BPHL: variants seen among roughly 807,000 people sequenced by gnomAD.
The protein encoded by BPHL is serine hydrolase BPHL.
Under a neutral mutation model 31.2 loss-of-function variants are expected in BPHL, and 27 were observed. That is an observed-to-expected ratio of 0.87 (90% confidence interval 0.64 to 1.19). BPHL has a LOEUF of 1.19. Among genes scored for constraint, BPHL ranks in the 50% most tolerant of loss-of-function variants. BPHL has a pLI of 0.00. For synonymous variants in BPHL, 150 were observed against 146.8 expected (o/e 1.02, Z -0.16); for missense variants, 356 against 375.7 (o/e 0.95, Z 0.43).
intron 1 of BPHL, among the ~76,000 whole-genome samples, chr6:3,122,253 C>T (rs1761597345): frequency 6.6e-6 from 1 of 152,092 alleles, no homozygotes; most frequent in African/African-American, 2.4e-5. Context: ...GCACTCCAGC[C>T]TGGGCGACAG....
At chr6:3,138,844 G>C (rs1240585315) in intron 5 of BPHL, 1 of 152,214 alleles carries the variant, frequency 6.6e-6, no homozygotes, top group African/African-American at 2.4e-5. Context: ...TGGAAATAGG[G>C]TTAAATCAGC....
In BPHL at chr6:3,123,707, A is replaced by C. The variant is rs1761636559; in HGVS notation, c.158A>C (p.Tyr53Ser). 6.2e-7 allele frequency: 1 copy of C among 1,613,716 alleles called. No homozygotes were observed. The highest frequency in any genetic ancestry group is 1.3e-5 in the African/African-American group (1 of 74,914). The change falls in exon 2 of 7, where the codon TAC becomes TCC. Residue 53 changes from tyrosine to serine, a missense_variant. Coordinates refer to ENST00000380379, the MANE Select transcript of BPHL (RefSeq NM_004332.4). ...GCTGTGAATGGCGTTCAGCTGCATT[A>C]CCAGCAGACTGGAGAGGGAGATCAC... Reference protein sequence around the residue: ...KVAVNGVQLHYQQTGEGDHAV... With the variant: ...KVAVNGVQLHSQQTGEGDHAV...
At chr6:3,132,556 T>C (rs58373535) in intron 4 of BPHL, among the ~76,000 whole-genome samples, 14,516 of 151,966 alleles carry the variant, frequency 0.096, 2,083 homozygotes, top group African/African-American at 0.31. Flanking sequence ...TCTCACTGGG[T>C]GTGGTGGCTC....
rs534569401 is a variant in BPHL, at chr6:3,127,166, T to A, written c.212-76T>A. The A allele has an allele frequency of 5.8e-6, 6 of 1,038,916 alleles. No individual in the cohort carries two copies. The African/African-American group carries it at 8.1e-5, about 14-fold the overall frequency. The allele number at this position is 1,038,916 out of a possible 1,614,324, so 64.4% of individuals were successfully genotyped here. A position where few individuals can be genotyped will look rare whatever the true frequency, so the allele number is the denominator to read the frequency against. ...GAAACTACTTTGCTTTTAAGATTGT[T>A]ATTGCTTCTGTTTTCACTGTAATGT... On this transcript the variant is annotated intron_variant, in intron 2 of 6. Transcript: ENST00000380379.
At chr6:3,138,144 A>G (rs926370850) in intron 5 of BPHL, 6 of 526,698 alleles carry the variant, frequency 1.1e-5, no homozygotes, top group African/African-American at 1.0e-4. Flanking sequence ...TCAGCCTCCC[A>G]AGTAGCTGGG....
intron 2 of BPHL, among the ~76,000 whole-genome samples, chr6:3,126,544 C>T (rs1292247236): frequency 5.3e-5 from 8 of 150,474 alleles, no homozygotes; most frequent in African/African-American, 1.9e-4. Context: ...AGGGGGAGGT[C>T]GGAGGCAGGC....
At chr6:3,151,969 A>C (rs1218085019) in intron 6 of BPHL, among the ~76,000 whole-genome samples, 1 of 152,164 alleles carries the variant, frequency 6.6e-6, no homozygotes, top group Non-Finnish European at 1.5e-5. Context: ...TAATCCAAAA[A>C]TGGAAGGGTG....
At chr6:3,137,033 C>T (rs1762031291) in intron 4 of BPHL, among the ~76,000 whole-genome samples, 3 of 152,136 alleles carry the variant, frequency 2.0e-5, no homozygotes, top group Admixed American at 2.0e-4. Context: ...GCGGTAAGTG[C>T]AGCTCTAATT....
At chr6:3,142,207 C>T (rs1177981885) in intron 6 of BPHL, among the ~76,000 whole-genome samples, 5 of 151,876 alleles carry the variant, frequency 3.3e-5, no homozygotes, top group Admixed American at 2.6e-4. Flanking sequence ...CAACCTCTGC[C>T]TCCTGGGTTC....
At chr6:3,141,257 A>G (rs1442143900) in intron 6 of BPHL, among the ~76,000 whole-genome samples, 1 of 152,264 alleles carries the variant, frequency 6.6e-6, no homozygotes, top group Non-Finnish European at 1.5e-5. Context: ...TCAAAAATAC[A>G]CATGAGCCTG....
chr6:3,144,890 C>G (rs1051903831), intron 6 of BPHL, among the ~76,000 whole-genome samples: 1 of 152,206 alleles, frequency 6.6e-6, no homozygotes, highest in African/African-American at 2.4e-5. Flanking sequence ...GGACCAGCCG[C>G]GTATTCTGAG....
rs1418792659 is a variant in BPHL, at chr6:3,149,185, T to C, written c.789-3303T>C. ...TAGCCTGTCAGTATGGACTCTGTGCTGGTTAGACAAAACTGTCCTGGCCCC... is the reference window on the plus strand; with the variant it reads ...TAGCCTGTCAGTATGGACTCTGTGCCGGTTAGACAAAACTGTCCTGGCCCC... On this transcript the variant is annotated intron_variant, in intron 6 of 6. Coordinates refer to ENST00000380379, the MANE Select transcript of BPHL (RefSeq NM_004332.4). This position sits in a 1 kb window ranked among gnomAD's most constrained non-coding sequence, Gnocchi z 4.6. Among the ~76,000 whole-genome samples the C allele has an allele frequency of 6.6e-6, 1 of 152,206 alleles. No individual in the cohort carries two copies. Among genetic ancestry groups the C allele is most frequent in the Admixed American group, 6.5e-5 (1 of 15,278 alleles).
At chr6:3,145,611 T>TG (rs1484745813) in intron 6 of BPHL, among the ~76,000 whole-genome samples, 1 of 31,232 alleles carries the variant, frequency 3.2e-5, no homozygotes, top group Non-Finnish European at 7.0e-5. Flanking sequence ...AGTGCTGGTT[T>TG]GGGTCGAGTG....
chr6:3,127,115 T>G (rs1019811110), intron 2 of BPHL, 127 bp from the exon 3 acceptor site: 7 of 608,102 alleles, frequency 1.2e-5, no homozygotes, highest in African/African-American at 1.9e-5. Context: ...GCTGCTTTCC[T>G]GATTACATTC....
chr6:3,134,100 T>G (rs1307108361), intron 4 of BPHL, among the ~76,000 whole-genome samples: 1 of 152,208 alleles, frequency 6.6e-6, no homozygotes, highest in East Asian at 1.9e-4. Flanking sequence ...TATCCACCAT[T>G]TGAGTTTCTT....
At chr6:3,132,618 C>T (rs1761904062) in intron 4 of BPHL, among the ~76,000 whole-genome samples, 1 of 152,072 alleles carries the variant, frequency 6.6e-6, no homozygotes, top group African/African-American at 2.4e-5. Context: ...ATCACTTGAG[C>T]CCAGGAGTTC....
At chr6:3,135,600 T>C (rs6917080) in intron 4 of BPHL, among the ~76,000 whole-genome samples, 15,283 of 152,254 alleles carry the variant, frequency 0.1, 2,001 homozygotes, top group African/African-American at 0.3. Context: ...CGTTCATTCT[T>C]ATTCTCTTCT....
At chr6:3,119,311 A>T in intron 1 of BPHL, 1 of 1,548,406 alleles carries the variant, frequency 6.5e-7, no homozygotes, top group South Asian at 1.2e-5. Flanking sequence ...GAGTACCGCT[A>T]AGGCTTTAAT....
In BPHL at chr6:3,137,333, C is replaced by A. The variant is rs766933234; in HGVS notation, c.533-29C>A. ...ACAATACTTTAGTATGAAATTAAAC[C>A]TTTCTTCGCCTACACTTCTGTTTTT... On this transcript the variant is annotated intron_variant, in intron 4 of 6. Transcript: ENST00000380379. 4 of 1,609,362 alleles carry A rather than the reference C, an allele frequency of 2.5e-6. No individual in the cohort carries two copies. In the South Asian group the frequency reaches 4.4e-5, roughly 18 times the overall value.
Sources: allele counts gnomAD v4.1 joint callset (sites outside exome capture counted in the v4.1 genomes callset), GRCh38; gene constraint gnomAD v4.1.1; non-coding constraint Gnocchi (gnomAD v3.1); transcripts MANE v1.5; gene names NCBI Gene and HGNC (gene_info 2026-07-23, HGNC 2026-07-21).